SYN3: variants seen among roughly 807,000 people sequenced by gnomAD.
SYN3 encodes the protein synapsin III.
Under a neutral mutation model 65.8 loss-of-function variants are expected in SYN3, and 35 were observed. That is an observed-to-expected ratio of 0.53 (90% confidence interval 0.41 to 0.70). SYN3 has a LOEUF of 0.70. Ranked by LOEUF, SYN3 falls within the 30% of genes least tolerant of loss-of-function variation. The probability of loss-of-function intolerance (pLI) is 0.00; values close to 1 mark genes in which losing one functional copy is unlikely to be tolerated. For synonymous variants in SYN3, 270 were observed against 292.9 expected (o/e 0.92, Z 0.80); for missense variants, 680 against 749.0 (o/e 0.91, Z 1.08).
chr22:33,026,496 G>A (rs1434763177), intron 1 of SYN3, among the ~76,000 whole-genome samples: 2 of 152,108 alleles, frequency 1.3e-5, no homozygotes, highest in African/African-American at 4.8e-5. Flanking sequence ...ATTATCTTCA[G>A]GTCAAAATAC....
At chr22:32,756,905 G>GAAAT (rs2045306305) in intron 6 of SYN3, among the ~76,000 whole-genome samples, 1 of 152,140 alleles carries the variant, frequency 6.6e-6, no homozygotes, top group South Asian at 2.1e-4. Flanking sequence ...CACACCAACT[G>GAAAT]AAATGTTTCA....
intron 1 of SYN3, among the ~76,000 whole-genome samples, chr22:33,031,811 G>A (rs562267436): frequency 1.3e-5 from 2 of 152,186 alleles, no homozygotes; most frequent in East Asian, 3.9e-4. Context: ...AGAGAAACCT[G>A]AAAAACTGAA....
At position 32,607,330 on chromosome 22, in the gene SYN3, A is replaced by T. The variant is rs139577711; in HGVS notation, c.712-10594T>A. 3.7e-3 allele frequency among the ~76,000 whole-genome samples: 564 copies of T among 152,246 alleles called. 4 individuals carry two copies. The highest frequency in any genetic ancestry group is 5.9e-3 in the Non-Finnish European group (404 of 68,018). On this transcript the variant is annotated intron_variant, in intron 6 of 13. Transcript: ENST00000358763. Reference sequence around the variant, plus strand: ...GGTGCTGCTGCAGAACCTGCAACTCAACATTTCCAAACAACTGCATGAATT... The same window carrying T: ...GGTGCTGCTGCAGAACCTGCAACTCTACATTTCCAAACAACTGCATGAATT...
At chr22:32,736,608 T>C (rs2061339514) in intron 6 of SYN3, among the ~76,000 whole-genome samples, 1 of 152,162 alleles carries the variant, frequency 6.6e-6, no homozygotes, top group African/African-American at 2.4e-5. Flanking sequence ...GATAATATAA[T>C]TGTCCCAAAA....
At chr22:33,017,717 C>T (rs150359377) in intron 1 of SYN3, among the ~76,000 whole-genome samples, 3 of 150,018 alleles carry the variant, frequency 2.0e-5, no homozygotes, top group East Asian at 1.9e-4. Context: ...GTGTTGATTT[C>T]GTACCCTGCA....
chr22:32,661,362 G>A (rs904759279), intron 6 of SYN3, among the ~76,000 whole-genome samples: 4 of 152,360 alleles, frequency 2.6e-5, no homozygotes, highest in Admixed American at 6.5e-5. Flanking sequence ...AAGTCAGCCC[G>A]GGAACAAGTG....
chr22:32,601,287 T>A (rs1487840099), intron 6 of SYN3, among the ~76,000 whole-genome samples: 1 of 151,940 alleles, frequency 6.6e-6, no homozygotes, highest in Non-Finnish European at 1.5e-5. Flanking sequence ...TCTTTCTTTT[T>A]TTTTTTCTGA....
At chr22:32,817,144 C>T (rs182485358) in intron 6 of SYN3, among the ~76,000 whole-genome samples, 5 of 151,612 alleles carry the variant, frequency 3.3e-5, no homozygotes, top group Admixed American at 2.6e-4. Context: ...CTTGAGTCCA[C>T]GAGGTTGAGG....
At chr22:32,729,339 G>A (rs1221250455) in intron 6 of SYN3, among the ~76,000 whole-genome samples, 5 of 152,236 alleles carry the variant, frequency 3.3e-5, no homozygotes, top group Non-Finnish European at 7.3e-5. Flanking sequence ...CGATTCAGTG[G>A]ACAGTTGACT....
intron 7 of SYN3, among the ~76,000 whole-genome samples, chr22:32,574,956 A>T (rs114359850): frequency 6.6e-6 from 1 of 152,246 alleles, no homozygotes; most frequent in African/African-American, 2.4e-5. Flanking sequence ...TTAAACTCGC[A>T]AATGTATTCC....
chr22:32,752,905 G>GGT, intron 6 of SYN3, among the ~76,000 whole-genome samples: 1 of 152,080 alleles, frequency 6.6e-6, no homozygotes, highest in South Asian at 2.1e-4. Context: ...ATGGAGCGGG[G>GGT]GTGAGTGGAA....
chr22:32,554,983 G>A (rs2710383), intron 7 of SYN3, among the ~76,000 whole-genome samples: 2 of 152,280 alleles, frequency 1.3e-5, no homozygotes, highest in African/African-American at 4.8e-5. Context: ...TGCACTAAAA[G>A]AGCACCTGGC....
At chr22:32,941,658 CA>C (rs1449796471) in intron 3 of SYN3, among the ~76,000 whole-genome samples, 3 of 152,186 alleles carry the variant, frequency 2.0e-5, no homozygotes, top group African/African-American at 7.2e-5. Flanking sequence ...GGCATCGCCT[CA>C]CCCGGGAAGC....
rs368993404 is a variant in SYN3, at chr22:32,636,375, C to T, written c.712-39639G>A. Among the ~76,000 whole-genome samples, 236 of 146,326 alleles carry T rather than the reference C, an allele frequency of 1.6e-3. 3 individuals are homozygous for T. In the East Asian group the frequency reaches 0.04, roughly 25 times the overall value. On this transcript the variant is annotated intron_variant, in intron 6 of 13. Transcript: ENST00000358763. ...CGAGATTGTGCCACTGCACTCCAGC[C>T]GGGACGACAAAGCGAGACTCCATCT...
At chr22:32,642,447 AT>A (rs1201174771) in intron 6 of SYN3, among the ~76,000 whole-genome samples, 1 of 150,800 alleles carries the variant, frequency 6.6e-6, no homozygotes, top group Non-Finnish European at 1.5e-5. Context: ...TTTTTATTTT[AT>A]TTTTTTAATT....
At position 32,533,907 on chromosome 22, in the gene SYN3, G is replaced by A. The variant is rs1323018040; in HGVS notation, c.993-12C>T. 2 of 1,601,672 alleles carry A rather than the reference G, an allele frequency of 1.2e-6. No homozygotes were observed. Among genetic ancestry groups the A allele is most frequent in the East Asian group, 4.5e-5 (2 of 44,716 alleles). Reference sequence around the variant, plus strand: ...CCCACAGCCTGTACCTGCAGGGACAGATGGACAGACAGTGAAGTGGCCTGG... The same window carrying A: ...CCCACAGCCTGTACCTGCAGGGACAAATGGACAGACAGTGAAGTGGCCTGG... On this transcript the variant is annotated splice_polypyrimidine_tract_variant and intron_variant, in intron 9 of 13. Transcript: ENST00000358763.
chr22:33,030,185 A>G (rs902728057), intron 1 of SYN3, among the ~76,000 whole-genome samples: 2 of 152,182 alleles, frequency 1.3e-5, no homozygotes, highest in Admixed American at 6.5e-5. Context: ...CGTCAATGAG[A>G]GATGCCTGCG....
At chr22:32,786,420 C>T (rs2046195807) in intron 6 of SYN3, among the ~76,000 whole-genome samples, 3 of 151,768 alleles carry the variant, frequency 2.0e-5, no homozygotes, top group Admixed American at 2.0e-4. Context: ...CACTCTGTCA[C>T]CCAGGCTGGA....
At chr22:32,787,445 G>A (rs897577194) in intron 6 of SYN3, among the ~76,000 whole-genome samples, 1 of 152,136 alleles carries the variant, frequency 6.6e-6, no homozygotes, top group African/African-American at 2.4e-5. Context: ...CAGTGACATC[G>A]CTTCCTATTG....
Sources: gnomAD v4.1 joint callset for allele counts (sites outside exome capture counted in the v4.1 genomes callset) on GRCh38, gnomAD v4.1.1 for gene constraint, MANE v1.5 for transcripts, NCBI Gene and HGNC (gene_info 2026-07-23, HGNC 2026-07-21) for gene names.